The following MPRIP variants were observed in gnomAD, a reference collection of about 807,000 sequenced individuals.
The protein encoded by MPRIP is myosin phosphatase Rho-interacting protein.
A neutral mutation model predicts 234.9 loss-of-function variants in MPRIP; 59 were observed. That is an observed-to-expected ratio of 0.25 (90% CI 0.20 to 0.31). MPRIP has a LOEUF of 0.31. MPRIP is among the 10% of genes least tolerant of loss of function. The pLI is 1.00. For synonymous variants in MPRIP, 1,144 were observed against 1,263.9 expected, an observed-to-expected ratio of 0.91 and a Z score of 2.01; for missense variants, 2,436 against 3,071.0, an observed-to-expected ratio of 0.79 and a Z score of 4.89.
chr17:17,180,738 A>G (rs1555598810), intron 23 of MPRIP: 5 of 1,442,738 alleles, frequency 3.5e-6, no homozygotes, highest in South Asian at 3.4e-5. Context: ...TGTCATGGTT[A>G]CTTTATTTCA....
chr17:17,093,397 C>T (rs1483869270), intron 3 of MPRIP, among the ~76,000 whole-genome samples: 1 of 152,146 alleles, frequency 6.6e-6, no homozygotes, highest in Non-Finnish European at 1.5e-5. Flanking sequence ...GACCTGAGGA[C>T]CTTGGGAGCA....
chr17:17,175,463 C>T, intron 20 of MPRIP, 51 bp downstream of exon 20: 3 of 1,519,884 alleles, frequency 2.0e-6, no homozygotes, highest in Non-Finnish European at 2.6e-6. Context: ...CCCAGGAACC[C>T]CAGGGGAGTG....
intron 23 of MPRIP, chr17:17,180,557 G>C (rs771798311): frequency 2.6e-6 from 4 of 1,548,856 alleles, no homozygotes; most frequent in Middle Eastern, 3.4e-4. Flanking sequence ...GCGGCACCGC[G>C]TGTGTTTGGG....
intron 11 of MPRIP, among the ~76,000 whole-genome samples, chr17:17,149,200 ACTTC>A (rs2045543046): frequency 6.6e-6 from 1 of 152,184 alleles, no homozygotes; most frequent in Non-Finnish European, 1.5e-5. Context: ...TATTAAAAAT[ACTTC>A]CTTTGTTGTC....
In MPRIP at chr17:17,042,989, G is replaced by A; in HGVS notation, c.123+18G>A. On this transcript the variant is annotated intron_variant, in intron 1 of 23. Coordinates refer to ENST00000651222, the MANE Select transcript of MPRIP (RefSeq NM_001364716.4). ...TGACGCAGGTGAGCGACTGGGGCCG[G>A]CCCGGACACCTCCGTTCTGGGAGCC... The A allele has an allele frequency of 6.2e-7, 1 of 1,606,986 alleles. No individual in the cohort carries two copies. Among genetic ancestry groups the A allele is most frequent in the East Asian group, 2.2e-5 (1 of 44,522 alleles).
Position 17,173,969 on chromosome 17 carries a change from C to T in MPRIP, c.6644C>T (p.Ser2215Leu), listed in dbSNP as rs2046200318. 1.2e-6 allele frequency: 2 copies of T among 1,613,714 alleles called. No homozygotes were observed. Among genetic ancestry groups the T allele is most frequent in the East Asian group, 2.2e-5 (1 of 44,880 alleles). The change falls in exon 19 of 24, where the codon TCG becomes TTG. Residue 2215 changes from serine to leucine, a missense_variant. By Grantham distance (145) the Ser-to-Leu change is moderately radical. Coordinates refer to ENST00000651222, the MANE Select transcript of MPRIP (RefSeq NM_001364716.4). Reference sequence around the variant, plus strand: ...CTGGAGGTCCTCTCGGAGCAGTACTCGCAGAAGTGCCTGGAGAATGCCCAT... The same window carrying T: ...CTGGAGGTCCTCTCGGAGCAGTACTTGCAGAAGTGCCTGGAGAATGCCCAT... ...RELEVLSEQY[S>L]QKCLENAHLA...
intron 1 of MPRIP, among the ~76,000 whole-genome samples, chr17:17,052,481 G>A (rs72837921): frequency 1.3e-5 from 2 of 152,228 alleles, no homozygotes; most frequent in Non-Finnish European, 2.9e-5. Context: ...AGATGGAGCC[G>A]CCGAGACCTG....
Position 17,167,255 on chromosome 17 carries a change from G to A in MPRIP, c.5664G>A (p.Arg1888=), listed in dbSNP as rs2046021403. 2.3e-6 allele frequency: 3 copies of A among 1,303,846 alleles called. No homozygotes were observed. The highest frequency in any genetic ancestry group is 3.0e-6 in the Non-Finnish European group (3 of 988,958). The allele number at this position is 1,303,846 out of a possible 1,614,324, so 80.8% of individuals were successfully genotyped here. The change falls in exon 16 of 24, where the codon AGG becomes AGA. Residue 1888 remains arginine (R), a synonymous_variant. Transcript: ENST00000651222. The surrounding 1 kb of genome is among the most constrained non-coding windows in gnomAD (Gnocchi z 5.9). ...AGGCACAGGCAGCCCGGGCCCTGAGGGAGGAGTATGAGGAGCTTCTCCGCA... is the reference window on the plus strand; with the variant it reads ...AGGCACAGGCAGCCCGGGCCCTGAGAGAGGAGTATGAGGAGCTTCTCCGCA... ...SEQAQAARAL[R]EEYEELLRKQ...
chr17:17,161,818 C>G (rs1007125869), intron 15 of MPRIP, among the ~76,000 whole-genome samples: 3 of 152,170 alleles, frequency 2.0e-5, no homozygotes, highest in Non-Finnish European at 4.4e-5. Context: ...GTACTGGACC[C>G]CATTCCCATC....
Position 17,167,067 on chromosome 17 carries a change from A to G in MPRIP, c.5476A>G (p.Thr1826Ala). The change falls in exon 16 of 24, where the codon ACT (threonine) becomes GCT (alanine). Residue 1826 changes from threonine (T) to alanine (A), a missense_variant. Around this residue, in one of 4 missense-constraint regions of MPRIP, gnomAD observed 1,998 missense variants for 2,520.3 expected, o/e 0.79. Transcript: ENST00000651222. The surrounding 1 kb of genome is among the most constrained non-coding windows in gnomAD (Gnocchi z 5.9). ...GGTGTCCCAGAGTCTCTCGTATAAC[A>G]CTTGTTTGGGAGGCCTCGGTCAGTA... is the stretch of plus-strand genomic sequence containing the variant. ...LQVSQSLSYN[T>A]CLGGLGQYSS... The G allele has an allele frequency of 7.7e-7, 1 of 1,304,116 alleles. No individual in the cohort carries two copies. The highest frequency in any genetic ancestry group is 1.5e-5 in the African/African-American group (1 of 65,898). The allele number at this position is 1,304,116 out of a possible 1,614,324, so 80.8% of individuals were successfully genotyped here.
intron 3 of MPRIP, among the ~76,000 whole-genome samples, chr17:17,100,672 T>C (rs2089942655): frequency 6.6e-6 from 1 of 151,988 alleles, no homozygotes. Context: ...GTCTAATGCC[T>C]GATGATCTGT....
At chr17:17,133,717 G>A (rs1050545544) in intron 5 of MPRIP, among the ~76,000 whole-genome samples, 1 of 152,186 alleles carries the variant, frequency 6.6e-6, no homozygotes, top group African/African-American at 2.4e-5. Context: ...GCCAAGGATC[G>A]CACTGCGGGA....
chr17:17,155,487 A>T (rs1352459202), intron 13 of MPRIP, among the ~76,000 whole-genome samples: 2 of 151,528 alleles, frequency 1.3e-5, no homozygotes, highest in Non-Finnish European at 2.9e-5. Context: ...CAGGTGATCC[A>T]CTCGCCTTGG....
Position 17,138,006 on chromosome 17 carries a change from A to C in MPRIP, c.827A>C (p.Asp276Ala), listed in dbSNP as rs1297784428. 6.2e-7 allele frequency: 1 copy of C among 1,611,884 alleles called. No homozygotes were observed. The highest frequency in any genetic ancestry group is 1.3e-5 in the African/African-American group (1 of 74,698). The change falls in exon 7 of 24, where the codon GAC becomes GCC. Residue 276 changes from aspartate to alanine, a missense_variant. By Grantham distance (126) the Asp-to-Ala change is moderately radical. Coordinates refer to ENST00000651222, the MANE Select transcript of MPRIP (RefSeq NM_001364716.4). This position sits in a 1 kb window ranked among gnomAD's most constrained non-coding sequence, Gnocchi z 5.8. Reference protein sequence around the residue: ...GYFSLEKTKQDLKAEEQQLPP... With the variant: ...GYFSLEKTKQALKAEEQQLPP... ...TTCTCTCTGGAGAAGACCAAACAGG[A>C]CTTGAAGGCTGAAGAACAGCAGCTG...
In MPRIP at chr17:17,165,465, C is replaced by T. The variant is rs911857834; in HGVS notation, c.3874C>T (p.Pro1292Ser). The T allele has an allele frequency of 7.7e-7, 1 of 1,304,138 alleles. No individual in the cohort carries two copies. The highest frequency in any genetic ancestry group is 1.5e-5 in the African/African-American group (1 of 65,864). 80.8% of individuals were successfully genotyped at this position (1,304,138 alleles called of 1,614,324 possible). The change falls in exon 16 of 24, where the codon CCA becomes TCA. Residue 1292 changes from proline (P) to serine (S), a missense_variant. Transcript: ENST00000651222. ...SPSREDSMVP[P>S]KSVEVLDREG... ...CAGTAGGGAAGACAGCATGGTGCCCCCAAAGTCAGTGGAAGTGCTTGACAG... is the reference window on the plus strand; with the variant it reads ...CAGTAGGGAAGACAGCATGGTGCCCTCAAAGTCAGTGGAAGTGCTTGACAG...
At chr17:17,112,687 C>T (rs1291679065) in intron 3 of MPRIP, among the ~76,000 whole-genome samples, 1 of 152,336 alleles carries the variant, frequency 6.6e-6, no homozygotes, top group East Asian at 1.9e-4. Flanking sequence ...GAGCCCAGCT[C>T]TGCGGGAGGA....
At position 17,167,653 on chromosome 17, in the gene MPRIP, A is replaced by G. The variant is rs1242104941; in HGVS notation, c.6062A>G (p.Gln2021Arg). The change falls in exon 16 of 24, where the codon CAG (glutamine) becomes CGG (arginine). Residue 2021 changes from glutamine (Q) to arginine (R), a missense_variant. Transcript: ENST00000651222. This position sits in a 1 kb window ranked among gnomAD's most constrained non-coding sequence, Gnocchi z 5.9. ...TIHEEELRTL[Q>R]EHYSQSLRCL... ...CACGAGGAGGAGCTGAGGACCCTGC[A>G]GGAGCACTACTCGCAGAGCCTGAGG... 1.5e-6 allele frequency: 2 copies of G among 1,304,308 alleles called. No homozygotes were observed. Among genetic ancestry groups the G allele is most frequent in the South Asian group, 2.5e-5 (2 of 81,038 alleles). 80.8% of individuals were successfully genotyped at this position (1,304,308 alleles called of 1,614,324 possible). A position where few individuals can be genotyped will look rare whatever the true frequency, so the allele number is the denominator to read the frequency against.
Position 17,164,419 on chromosome 17 carries a change from A to G in MPRIP, c.2828A>G (p.His943Arg). Residue 943 changes from histidine (H) to arginine (R), a missense_variant, in exon 16 of 24, where the codon CAC becomes CGC. This residue lies in a region of MPRIP where 1,998 missense variants were observed against 2,520.3 expected (regional missense o/e 0.79). Transcript: ENST00000651222. ...RVREQLEERQHSEAALSSQLR... is the reference protein window; with the variant it reads ...RVREQLEERQRSEAALSSQLR... ...CGCGAGCAGCTGGAGGAGCGGCAAC[A>G]CAGCGAGGCGGCGCTGAGCAGCCAG... The G allele has an allele frequency of 7.8e-7, 1 of 1,278,084 alleles. No individual in the cohort carries two copies. The highest frequency in any genetic ancestry group is 1.0e-6 in the Non-Finnish European group (1 of 980,764). 79.2% of individuals were successfully genotyped at this position (1,278,084 alleles called of 1,614,324 possible). A position where few individuals can be genotyped will look rare whatever the true frequency, so the allele number is the denominator to read the frequency against.
In MPRIP at chr17:17,174,062, A is replaced by G. The variant is rs768313590; in HGVS notation, c.6737A>G (p.Asn2246Ser). Residue 2246 changes from asparagine (N) to serine (S), a missense_variant, in exon 19 of 24, where the codon AAT becomes AGT. Asn to Ser is a conservative substitution (Grantham distance 46). Transcript: ENST00000651222. ...RQCQRENQELNAHNQELNNRL... is the reference protein window; with the variant it reads ...RQCQRENQELSAHNQELNNRL... ...TGCCAGCGTGAGAACCAGGAGCTCA[A>G]TGCCCACAACCAGGTGAGCCTGCAG... is the stretch of plus-strand genomic sequence containing the variant. The G allele has an allele frequency of 1.4e-5, 23 of 1,613,220 alleles. No individual in the cohort carries two copies. Among genetic ancestry groups the G allele is most frequent in the South Asian group, 3.3e-5 (3 of 91,066 alleles).
Sources: gnomAD v4.1 joint callset for allele counts (sites outside exome capture counted in the v4.1 genomes callset) on GRCh38, gnomAD v4.1.1 for gene constraint, gnomAD v4.1.1 regional missense constraint, Gnocchi (gnomAD v3.1) non-coding constraint, MANE v1.5 for transcripts, NCBI Gene and HGNC (gene_info 2026-07-23, HGNC 2026-07-21) for gene names.